The following ATP2C1 variants were observed in gnomAD, a reference collection of about 807,000 sequenced individuals.
ATP2C1 encodes the protein calcium-transporting ATPase type 2C member 1.
ATP2C1 carries 31 observed loss-of-function variants against 120.5 expected under a neutral mutation model. The ratio of observed to expected loss-of-function variants is 0.26; its 90% CI spans 0.19 to 0.35. ATP2C1 has a LOEUF of 0.35. ATP2C1 is among the 10% of genes least tolerant of loss of function. The pLI, the probability that ATP2C1 is intolerant of heterozygous loss-of-function variation, is 1.00. For synonymous variants in ATP2C1, 351 were observed against 358.7 expected (o/e 0.98, Z 0.24); for missense variants, 731 against 1,107.5 (o/e 0.66, Z 4.83).
At chr3:130,919,046 A>C in intron 2 of ATP2C1, 4 of 497,332 alleles carry the variant, frequency 8.0e-6, no homozygotes, top group Non-Finnish European at 1.6e-5. Flanking sequence ...CTGCCATTAC[A>C]CTGCACCTCT....
At position 130,980,757 on chromosome 3, in the gene ATP2C1, C is replaced by T. The variant is rs1296726557; in HGVS notation, c.1839+78C>T. ...CATTTCTACTACTATCTTAATGAAA[C>T]TGTTTAATTGTGAACATCAGGGATT... On this transcript the variant is annotated intron_variant, in intron 20 of 27. Coordinates refer to ENST00000510168, the MANE Select transcript of ATP2C1 (RefSeq NM_001378687.1). The T allele has an allele frequency of 2.7e-6, 3 of 1,096,998 alleles. No individual in the cohort carries two copies. In the African/African-American group the frequency reaches 4.7e-5, roughly 17 times the overall value. The allele number at this position is 1,096,998 out of a possible 1,614,324, so 68.0% of individuals were successfully genotyped here.
rs544722343 is a variant in ATP2C1 at position 130,855,058 on chromosome 3, C to T, written c.108+4130C>T. The stretch of plus-strand genomic sequence containing the variant: ...TCTCTTTTTCCCTTTCTCCCCCTTA[C>T]GTCCCCTTCCTAATCCTTTAGTAAG... On this transcript the variant is annotated intron_variant, in intron 1 of 26. Transcript: ENST00000504381. Among the ~76,000 whole-genome samples the T allele has an allele frequency of 3.9e-5, 6 of 152,302 alleles. No homozygotes were observed. The South Asian group carries it at 1.0e-3, about 26-fold the overall frequency.
chr3:130,858,179 C>T (rs1396219455), intron 1 of ATP2C1, among the ~76,000 whole-genome samples: 1 of 152,090 alleles, frequency 6.6e-6, no homozygotes, highest in Non-Finnish European at 1.5e-5. Flanking sequence ...GTGGGTCTGC[C>T]TCTCCCTGTC....
intron 5 of ATP2C1, 80 bp downstream of exon 5, chr3:130,934,791 G>A (rs2059595978): frequency 2.1e-6 from 2 of 952,496 alleles, no homozygotes; most frequent in Non-Finnish European, 3.3e-6. Flanking sequence ...AAAATAAATT[G>A]AGAAGTGCTC....
At chr3:130,870,837 G>C (rs1440680039) in intron 1 of ATP2C1, among the ~76,000 whole-genome samples, 2 of 152,188 alleles carry the variant, frequency 1.3e-5, no homozygotes, top group African/African-American at 2.4e-5. Flanking sequence ...TTTTGAAAGA[G>C]GTTCTACTAT....
chr3:130,867,462 G>GC (rs1553744542), intron 1 of ATP2C1, among the ~76,000 whole-genome samples: 1 of 138,170 alleles, frequency 7.2e-6, no homozygotes, highest in Non-Finnish European at 1.6e-5. Flanking sequence ...ACTGGTTTTC[G>GC]TTTTTTTTTG....
chr3:131,005,767 A>G (rs191549910), downstream of ATP2C1, among the ~76,000 whole-genome samples: 2 of 152,372 alleles, frequency 1.3e-5, no homozygotes, highest in East Asian at 3.9e-4. Context: ...ATAGTTATTA[A>G]TCAGCAAACA....
At chr3:130,930,722 A>C (rs913461865) in intron 3 of ATP2C1, among the ~76,000 whole-genome samples, 196 bp downstream of exon 3, 3 of 152,186 alleles carry the variant, frequency 2.0e-5, no homozygotes, top group Admixed American at 2.0e-4. Context: ...AAACATGACT[A>C]TATGACTTGA....
At chr3:130,906,411 G>A (rs1363004317) in intron 2 of ATP2C1, among the ~76,000 whole-genome samples, 5 of 151,982 alleles carry the variant, frequency 3.3e-5, no homozygotes, top group Admixed American at 1.3e-4. Context: ...CCATTGTATG[G>A]ATATACACAT....
chr3:130,947,144 T>A (rs971227425), intron 8 of ATP2C1, among the ~76,000 whole-genome samples: 2 of 152,084 alleles, frequency 1.3e-5, no homozygotes, highest in Non-Finnish European at 2.9e-5. Flanking sequence ...CTAATGTGCC[T>A]AGGAATCAGC....
intron 11 of ATP2C1, among the ~76,000 whole-genome samples, chr3:130,957,394 A>G (rs530682941): frequency 6.6e-6 from 1 of 152,326 alleles, no homozygotes; most frequent in Non-Finnish European, 1.5e-5. Context: ...CAAGTTAATT[A>G]TCCCATTAAT....
intron 26 of ATP2C1, among the ~76,000 whole-genome samples, chr3:130,999,145 T>A (rs1397723038): frequency 2.0e-5 from 3 of 152,168 alleles, no homozygotes; most frequent in Admixed American, 2.0e-4. Flanking sequence ...CACAATTAGG[T>A]CCATTCTCCA....
intron 24 of ATP2C1, among the ~76,000 whole-genome samples, chr3:130,997,367 G>A (rs1348683373): frequency 2.0e-5 from 3 of 152,050 alleles, no homozygotes; most frequent in African/African-American, 7.2e-5. Flanking sequence ...GAATTGGATG[G>A]TTTTTTGAAA....
intron 8 of ATP2C1, among the ~76,000 whole-genome samples, chr3:130,948,649 T>G (rs1430268752): frequency 6.6e-6 from 1 of 152,184 alleles, no homozygotes; most frequent in Admixed American, 6.5e-5. Flanking sequence ...TCTTTTTTCC[T>G]TCTGAGATTG....
At position 131,001,913 on chromosome 3, in the gene ATP2C1, C is replaced by G; in HGVS notation, c.*563C>G. ...AAGTTTTTTGCACAGGATGTGACCA[C>G]TGTCAGATCACTGTTCTTTTCTTTC... On this transcript the variant is annotated 3_prime_UTR_variant, in exon 28 of 28. Transcript: ENST00000510168. 1 of 983,742 alleles carries G rather than the reference C, an allele frequency of 1.0e-6. No homozygotes were observed. The highest frequency in any genetic ancestry group is 1.2e-6 in the Non-Finnish European group (1 of 828,012). 60.9% of individuals were successfully genotyped at this position (983,742 alleles called of 1,614,324 possible). A position where few individuals can be genotyped will look rare whatever the true frequency, so the allele number is the denominator to read the frequency against.
At position 130,997,737 on chromosome 3, in the gene ATP2C1, T is replaced by G. The variant is rs754725037; in HGVS notation, c.2375T>G (p.Phe792Cys). Residue 792 changes from phenylalanine to cysteine, a missense_variant, in exon 25 of 28, where the codon TTT becomes TGT. Phe to Cys is a radical substitution (Grantham distance 205, BLOSUM62 -2). Around this residue, in one of 3 missense-constraint regions of ATP2C1, gnomAD observed 141 missense variants for 201.6 expected, o/e 0.70. Coordinates refer to ENST00000510168, the MANE Select transcript of ATP2C1 (RefSeq NM_001378687.1). Reference sequence around the variant, plus strand: ...ATAATCATTGTTTGTGGGACTTTGTTTGTCTTCTGGCGTGAGGTATATTCA... The same window carrying G: ...ATAATCATTGTTTGTGGGACTTTGTGTGTCTTCTGGCGTGAGGTATATTCA... ...SSIIIVCGTL[F>C]VFWRELRDNV... is the part of the protein sequence containing the mutation. 1 of 1,613,652 alleles carries G rather than the reference T, an allele frequency of 6.2e-7. No individual in the cohort carries two copies. The highest frequency in any genetic ancestry group is 1.1e-5 in the South Asian group (1 of 91,074).
At chr3:131,006,831 T>G (rs1204762105), downstream of ATP2C1, among the ~76,000 whole-genome samples, 2 of 151,846 alleles carry the variant, frequency 1.3e-5, no homozygotes, top group African/African-American at 4.8e-5. Flanking sequence ...CCTAGCTAAT[T>G]TTGTGTATTT....
intron 17 of ATP2C1, among the ~76,000 whole-genome samples, chr3:130,974,324 T>C (rs1396977292): frequency 6.6e-6 from 1 of 152,236 alleles, no homozygotes; most frequent in Non-Finnish European, 1.5e-5. Flanking sequence ...AAATATCTGC[T>C]CATTGTAGTT....
chr3:130,999,323 AG>A (rs1362628408), intron 26 of ATP2C1, among the ~76,000 whole-genome samples, 194 bp from the exon 27 acceptor site: 6 of 152,222 alleles, frequency 3.9e-5, no homozygotes, highest in African/African-American at 1.4e-4. Context: ...ATAAAATAAA[AG>A]CTACTTTAAT....
Sources: allele counts gnomAD v4.1 joint callset (sites outside exome capture counted in the v4.1 genomes callset), GRCh38; gene constraint gnomAD v4.1.1; regional missense constraint gnomAD v4.1.1; transcripts MANE v1.5; gene names NCBI Gene and HGNC (gene_info 2026-07-23, HGNC 2026-07-21).